Variants in TMEM266 observed in about 807,000 individuals in gnomAD.
The protein encoded by TMEM266 is transmembrane protein 266, also known as Hv1 related protein 1.
TMEM266 carries 33 observed loss-of-function variants against 50.5 expected under a neutral mutation model. That is an observed-to-expected ratio of 0.65 (90% CI 0.50 to 0.87). The LOEUF is 0.87. TMEM266 is among the 40% of genes least tolerant of loss of function. The pLI, the probability that TMEM266 is intolerant of heterozygous loss-of-function variation, is 0.00. For synonymous variants in TMEM266, 310 were observed against 292.3 expected (o/e 1.06, Z -0.62); for missense variants, 655 against 695.1 (o/e 0.94, Z 0.65).
At chr15:76,066,926 T>G (rs1324017873) in intron 1 of TMEM266, among the ~76,000 whole-genome samples, 1 of 152,090 alleles carries the variant, frequency 6.6e-6, no homozygotes, top group East Asian at 1.9e-4. Flanking sequence ...TTGTAGGATA[T>G]TTAGCAGCAT....
intron 1 of TMEM266, among the ~76,000 whole-genome samples, chr15:76,125,294 G>A (rs767626214): frequency 1.3e-5 from 2 of 151,970 alleles, no homozygotes; most frequent in Non-Finnish European, 2.9e-5. Flanking sequence ...CAGGAATGAC[G>A]TCAAATAAAA....
intron 3 of TMEM266, among the ~76,000 whole-genome samples, chr15:76,143,076 G>A (rs1421137256): frequency 6.6e-6 from 1 of 152,164 alleles, no homozygotes; most frequent in Non-Finnish European, 1.5e-5. Flanking sequence ...TGGATGGGCT[G>A]CACCGCACCC....
chr15:76,074,326 C>T lies in TMEM266; in HGVS notation c.-97+14310C>T, dbSNP rs74247800. 3.3e-5 allele frequency among the ~76,000 whole-genome samples: 5 copies of T among 151,970 alleles called. No individual in the cohort carries two copies. The East Asian group carries it at 5.8e-4, about 18-fold the overall frequency. On this transcript the variant is annotated intron_variant, in intron 1 of 10. Transcript: ENST00000388942. The stretch of plus-strand genomic sequence containing the variant: ...TTTAACCATGTTTAAATGTATGGTT[C>T]GGGGTGTTAAGTACATGGATGCTGT...
intron 7 of TMEM266, among the ~76,000 whole-genome samples, chr15:76,172,973 G>C (rs1186487368): frequency 6.6e-6 from 1 of 152,178 alleles, no homozygotes; most frequent in Non-Finnish European, 1.5e-5. Flanking sequence ...GCTCTTCCCA[G>C]CTGTCCCGCC....
intron 1 of TMEM266, among the ~76,000 whole-genome samples, chr15:76,086,958 G>A (rs1434925507): frequency 6.6e-6 from 1 of 151,702 alleles, no homozygotes; most frequent in Admixed American, 6.6e-5. Context: ...TGCAAAGGGA[G>A]TACCCTCTGG....
intron 8 of TMEM266, among the ~76,000 whole-genome samples, chr15:76,182,671 A>C (rs943077676): frequency 2.6e-5 from 4 of 152,094 alleles, no homozygotes; most frequent in African/African-American, 7.2e-5. Context: ...CAAAACAAAA[A>C]AAACTACTAA....
chr15:76,185,348 A>C (rs1394296216), intron 8 of TMEM266, among the ~76,000 whole-genome samples: 2 of 151,854 alleles, frequency 1.3e-5, no homozygotes, highest in African/African-American at 4.8e-5. Context: ...AATGGCTGTA[A>C]GTTTTGATGT....
At chr15:76,063,161 C>G (rs748446696) in intron 1 of TMEM266, among the ~76,000 whole-genome samples, 4 of 152,180 alleles carry the variant, frequency 2.6e-5, no homozygotes, top group Non-Finnish European at 4.4e-5. Flanking sequence ...TCATCAGTCT[C>G]TGTTTCTTAC....
intron 8 of TMEM266, among the ~76,000 whole-genome samples, chr15:76,190,735 T>C (rs773534912): frequency 2.6e-5 from 4 of 152,178 alleles, no homozygotes; most frequent in Non-Finnish European, 5.9e-5. Context: ...TTGCAACTCC[T>C]GTGAAAGTGA....
intron 1 of TMEM266, among the ~76,000 whole-genome samples, chr15:76,063,882 G>A (rs2036358378): frequency 6.6e-6 from 1 of 152,176 alleles, no homozygotes; most frequent in African/African-American, 2.4e-5. Context: ...TTGTTTGGGG[G>A]AACAGCAAGA....
chr15:76,116,326 A>G (rs922747175), intron 1 of TMEM266, among the ~76,000 whole-genome samples: 6 of 152,174 alleles, frequency 3.9e-5, no homozygotes, highest in Admixed American at 3.9e-4. Context: ...CCAGAGGCAG[A>G]TGCCAGACTC....
intron 1 of TMEM266, among the ~76,000 whole-genome samples, chr15:76,114,926 C>T (rs1013409255): frequency 2.6e-5 from 4 of 152,268 alleles, no homozygotes; most frequent in South Asian, 4.2e-4. Context: ...GTCTGGCTTT[C>T]ACTTGCCATA....
At chr15:76,123,785 C>T (rs1397950281) in intron 1 of TMEM266, among the ~76,000 whole-genome samples, 3 of 151,870 alleles carry the variant, frequency 2.0e-5, no homozygotes, top group Non-Finnish European at 4.4e-5. Flanking sequence ...TGGCTCACTG[C>T]CACTGCAACC....
At chr15:76,105,293 C>T (rs1471378261) in intron 1 of TMEM266, among the ~76,000 whole-genome samples, 1 of 152,164 alleles carries the variant, frequency 6.6e-6, no homozygotes, top group African/African-American at 2.4e-5. Context: ...TCACTACCCC[C>T]TTGTGAGCCC....
rs538999116 is a variant in TMEM266 at position 76,166,703 on chromosome 15, G to A, written c.457-3113G>A. Among the ~76,000 whole-genome samples, 79 of 152,288 alleles carry A rather than the reference G, an allele frequency of 5.2e-4. 1 individual carries two copies. The South Asian group carries it at 0.016, about 30-fold the overall frequency. ...TGCCTTTTCAGCTAAGAAGAGTGTT[G>A]TTTCTAAAGAAGCATGATGATTCCT... On this transcript the variant is annotated intron_variant, in intron 5 of 10. Transcript: ENST00000388942.
chr15:76,164,222 T>G (rs1386390321), intron 5 of TMEM266, among the ~76,000 whole-genome samples: 1 of 152,212 alleles, frequency 6.6e-6, no homozygotes, highest in Non-Finnish European at 1.5e-5. Flanking sequence ...TTTTTTCTTT[T>G]CGAGACAGGG....
At chr15:76,099,219 A>G (rs553655195) in intron 1 of TMEM266, among the ~76,000 whole-genome samples, 2 of 152,350 alleles carry the variant, frequency 1.3e-5, no homozygotes, top group Admixed American at 6.5e-5. Context: ...TGGGGAAGGC[A>G]TCAGAGGGAA....
chr15:76,103,857 A>G (rs573848330), intron 1 of TMEM266, among the ~76,000 whole-genome samples: 18 of 149,230 alleles, frequency 1.2e-4, no homozygotes, highest in African/African-American at 3.7e-4. Flanking sequence ...GGTTGCAGTG[A>G]GTCAAGATTG....
At chr15:76,104,299 T>G (rs769309197) in intron 1 of TMEM266, among the ~76,000 whole-genome samples, 58 of 152,304 alleles carry the variant, frequency 3.8e-4, no homozygotes, top group South Asian at 2.1e-3. Context: ...GCTCTTTAAA[T>G]TCAAAATGAA....
Sources: gnomAD v4.1 joint callset for allele counts (sites outside exome capture counted in the v4.1 genomes callset) on GRCh38, gnomAD v4.1.1 for gene constraint, MANE v1.5 for transcripts, NCBI Gene and HGNC (gene_info 2026-07-23, HGNC 2026-07-21) for gene names.